Variants in ZNF804B observed in about 807,000 individuals in gnomAD.
The protein encoded by ZNF804B is zinc finger protein 804B, also known as zinc finger 804B.
Under a neutral mutation model 101.4 loss-of-function variants are expected in ZNF804B, and 80 were observed. The ratio of observed to expected loss-of-function variants is 0.79; its 90% CI spans 0.66 to 0.95. The LOEUF (loss-of-function observed/expected upper bound fraction) is 0.95. Among genes scored for constraint, ZNF804B ranks in the 40% least tolerant of loss-of-function variants. The pLI is 0.00. For missense variants in ZNF804B, 1,673 were observed against 1,561.9 expected, an observed-to-expected ratio of 1.07 and a Z score of -1.20; for synonymous variants, 622 against 558.8, an observed-to-expected ratio of 1.11 and a Z score of -1.59.
chr7:88,844,816 C>T (rs977295880), intron 1 of ZNF804B, among the ~76,000 whole-genome samples: 1 of 152,160 alleles, frequency 6.6e-6, no homozygotes, highest in African/African-American at 2.4e-5. Flanking sequence ...TATATTTCCC[C>T]TGGTTTAACA....
chr7:88,870,876 A>C (rs1791812252), intron 1 of ZNF804B, among the ~76,000 whole-genome samples: 1 of 152,184 alleles, frequency 6.6e-6, no homozygotes, highest in Admixed American at 6.5e-5. Context: ...TACTTGGAAC[A>C]CTTTTTCTGT....
At chr7:89,085,716 TGTC>T (rs1789788998) in intron 1 of ZNF804B, among the ~76,000 whole-genome samples, 1 of 151,936 alleles carries the variant, frequency 6.6e-6, no homozygotes, top group Non-Finnish European at 1.5e-5. Context: ...GGTAAGTAAT[TGTC>T]TTCTGATTAC....
At chr7:88,845,284 C>CGTGT (rs1256318861) in intron 1 of ZNF804B, among the ~76,000 whole-genome samples, 1 of 111,112 alleles carries the variant, frequency 9.0e-6, no homozygotes, top group African/African-American at 4.4e-5. Context: ...TGTGCGCACG[C>CGTGT]GCGCGCGCAC....
chr7:89,272,981 A>G (rs1789920832), intron 2 of ZNF804B, among the ~76,000 whole-genome samples: 1 of 152,142 alleles, frequency 6.6e-6, no homozygotes, highest in African/African-American at 2.4e-5. Context: ...TTGATTTTCA[A>G]ATGCTATGTA....
intron 1 of ZNF804B, among the ~76,000 whole-genome samples, chr7:89,213,806 A>G (rs1272993650): frequency 2.0e-5 from 3 of 152,134 alleles, no homozygotes; most frequent in Non-Finnish European, 4.4e-5. Flanking sequence ...TATTTTCCAT[A>G]TCTTTAAATG....
At chr7:88,935,786 A>AT (rs869304897) in intron 1 of ZNF804B, among the ~76,000 whole-genome samples, 2 of 151,780 alleles carry the variant, frequency 1.3e-5, no homozygotes, top group African/African-American at 2.4e-5. Context: ...TACTAAAAAA[A>AT]TTTTTTTATC....
chr7:89,324,100 T>C (rs377029288), intron 2 of ZNF804B, among the ~76,000 whole-genome samples: 10 of 152,110 alleles, frequency 6.6e-5, no homozygotes, highest in African/African-American at 2.4e-4. Context: ...GGGTCTTTTA[T>C]AAGAGATACA....
At chr7:89,032,386 G>T (rs1005544862) in intron 1 of ZNF804B, among the ~76,000 whole-genome samples, 1 of 151,946 alleles carries the variant, frequency 6.6e-6, no homozygotes, top group Non-Finnish European at 1.5e-5. Flanking sequence ...TTCTGGAAAA[G>T]ATTCAACTAG....
chr7:89,267,659 G>T (rs1304543626), intron 2 of ZNF804B, among the ~76,000 whole-genome samples: 1 of 152,122 alleles, frequency 6.6e-6, no homozygotes, highest in African/African-American at 2.4e-5. Context: ...TGGTTCTTAA[G>T]TTCTTGAACT....
intron 1 of ZNF804B, among the ~76,000 whole-genome samples, chr7:89,106,347 T>A (rs1237564385): frequency 3.3e-5 from 5 of 152,168 alleles, no homozygotes; most frequent in Non-Finnish European, 7.4e-5. Context: ...AGGAGTTTTT[T>A]ATACTTTAAA....
chr7:89,072,907 C>G (rs973634831), intron 1 of ZNF804B, among the ~76,000 whole-genome samples: 3 of 151,954 alleles, frequency 2.0e-5, no homozygotes, highest in Non-Finnish European at 2.9e-5. Flanking sequence ...AGAAATGCAC[C>G]TGGGCAATAA....
chr7:88,845,285 GCGCGCGCA>G (rs1323523193), intron 1 of ZNF804B, among the ~76,000 whole-genome samples: 2 of 107,168 alleles, frequency 1.9e-5, no homozygotes, highest in African/African-American at 1.1e-4. Context: ...GTGCGCACGC[GCGCGCGCA>G]CGCGCGCGCA....
chr7:88,857,270 A>T (rs553012300), intron 1 of ZNF804B, among the ~76,000 whole-genome samples: 1 of 152,158 alleles, frequency 6.6e-6, no homozygotes, highest in Non-Finnish European at 1.5e-5. Context: ...TCAGAGCAGA[A>T]CTGACAGAAA....
rs551009344 is a variant in ZNF804B at position 88,816,014 on chromosome 7, C to T, written c.108+55930C>T. ...GTTGAATGCTCTTGCTATCCTACTC[C>T]GACTCTAAATATTTCACACCAGGCA... On this transcript the variant is annotated intron_variant, in intron 1 of 3. Coordinates refer to ENST00000333190, the MANE Select transcript of ZNF804B (RefSeq NM_181646.5). Among the ~76,000 whole-genome samples, 10 of 152,212 alleles carry T rather than the reference C, an allele frequency of 6.6e-5. No individual in the cohort carries two copies. In the South Asian group the frequency reaches 1.0e-3, roughly 16 times the overall value.
At chr7:88,778,238 G>A (rs771731791) in intron 1 of ZNF804B, among the ~76,000 whole-genome samples, 2 of 152,028 alleles carry the variant, frequency 1.3e-5, no homozygotes, top group Non-Finnish European at 2.9e-5. Flanking sequence ...CCATTTTCAA[G>A]CTAGAAACTT....
At chr7:89,016,371 G>C (rs1788557717) in intron 1 of ZNF804B, among the ~76,000 whole-genome samples, 1 of 150,574 alleles carries the variant, frequency 6.6e-6, no homozygotes, top group Non-Finnish European at 1.5e-5. Context: ...TTTGGCTTTT[G>C]TTGCCATTGC....
chr7:89,065,783 C>G (rs1789447603), intron 1 of ZNF804B, among the ~76,000 whole-genome samples: 1 of 152,092 alleles, frequency 6.6e-6, no homozygotes, highest in African/African-American at 2.4e-5. Context: ...TTCACATCAT[C>G]TCAACCTTTT....
chr7:89,109,128 CG>C (rs1265699003), intron 1 of ZNF804B, among the ~76,000 whole-genome samples: 2 of 151,750 alleles, frequency 1.3e-5, no homozygotes, highest in African/African-American at 4.8e-5. Context: ...GAATAAATCA[CG>C]CATTACTTGT....
chr7:88,981,434 C>G (rs1275717241), intron 1 of ZNF804B, among the ~76,000 whole-genome samples: 1 of 152,072 alleles, frequency 6.6e-6, no homozygotes, highest in Non-Finnish European at 1.5e-5. Flanking sequence ...AGGAATCTCT[C>G]TCCGAGCTGT....
Sources: allele counts gnomAD v4.1 joint callset (sites outside exome capture counted in the v4.1 genomes callset), GRCh38; gene constraint gnomAD v4.1.1; transcripts MANE v1.5; gene names NCBI Gene and HGNC (gene_info 2026-07-23, HGNC 2026-07-21).